GRHL2: variants seen among roughly 807,000 people sequenced by gnomAD.
GRHL2 encodes the protein grainyhead-like protein 2 homolog.
GRHL2 carries 21 observed loss-of-function variants against 83.8 expected under a neutral mutation model. The observed-to-expected ratio is 0.25, with a 90% CI of 0.18 to 0.36. The LOEUF (loss-of-function observed/expected upper bound fraction) is 0.36. Ranked by LOEUF, GRHL2 falls within the 10% of genes least tolerant of loss-of-function variation. The pLI is 1.00. For missense variants in GRHL2, 623 were observed against 781.8 expected (o/e 0.80, Z 2.42); for synonymous variants, 280 against 278.9 (o/e 1.00, Z -0.04).
chr8:101,672,388 C>T (rs1455348866), downstream of GRHL2, among the ~76,000 whole-genome samples: 2 of 151,590 alleles, frequency 1.3e-5, no homozygotes, highest in Non-Finnish European at 2.9e-5. Context: ...AGCCAAGGCT[C>T]GAGAACTACG....
chr8:101,677,823 G>T, the GRHL2 span, among the ~76,000 whole-genome samples: 1 of 152,038 alleles, frequency 6.6e-6, no homozygotes, highest in Non-Finnish European at 1.5e-5. Context: ...CAAGTGCCCA[G>T]GACCTAAGTC....
intron 1 of GRHL2, among the ~76,000 whole-genome samples, chr8:101,534,325 C>T (rs112462820): frequency 0.026 from 3,897 of 152,126 alleles, 167 homozygotes; most frequent in African/African-American, 0.087. Flanking sequence ...GCTCACTCAC[C>T]TGGTTGTGGG....
chr8:101,630,917 G>T (rs1195999185), intron 9 of GRHL2, among the ~76,000 whole-genome samples: 3 of 152,140 alleles, frequency 2.0e-5, no homozygotes, highest in Non-Finnish European at 4.4e-5. Context: ...AGAGATATAA[G>T]GTGGTGGTCA....
At chr8:101,675,369 T>C in the GRHL2 span, among the ~76,000 whole-genome samples, 3 of 152,048 alleles carry the variant, frequency 2.0e-5, no homozygotes, top group Admixed American at 2.0e-4. Context: ...AGTCTCAGGA[T>C]ACAAAATCAA....
At chr8:101,661,148 A>T (rs1459946780) in intron 14 of GRHL2, among the ~76,000 whole-genome samples, 1 of 145,608 alleles carries the variant, frequency 6.9e-6, no homozygotes, top group Non-Finnish European at 1.5e-5. Flanking sequence ...CAATTTTTTT[A>T]AAAAGTCCAT....
intron 8 of GRHL2, among the ~76,000 whole-genome samples, chr8:101,618,226 A>G (rs1361967564): frequency 2.6e-5 from 4 of 152,210 alleles, no homozygotes; most frequent in African/African-American, 9.6e-5. Flanking sequence ...ATTTAAAATG[A>G]GGAGAAATTT....
At chr8:101,528,896 T>C (rs1810862206) in intron 1 of GRHL2, 1 of 320,938 alleles carries the variant, frequency 3.1e-6, no homozygotes, top group African/African-American at 2.2e-5. Flanking sequence ...GACAGACCTT[T>C]TGTTGAAACT....
chr8:101,675,395 A>G, the GRHL2 span, among the ~76,000 whole-genome samples: 3 of 152,070 alleles, frequency 2.0e-5, no homozygotes, highest in Non-Finnish European at 4.4e-5. Context: ...AAAAATCACA[A>G]GCATTCTTAT....
chr8:101,642,453 C>G (rs1031100546), intron 12 of GRHL2, among the ~76,000 whole-genome samples: 2 of 152,138 alleles, frequency 1.3e-5, no homozygotes, highest in African/African-American at 4.8e-5. Flanking sequence ...GTATTTCAGG[C>G]TATTTACCTA....
intron 7 of GRHL2, among the ~76,000 whole-genome samples, chr8:101,594,565 A>G (rs74954521): frequency 5.9e-5 from 9 of 152,380 alleles, no homozygotes; most frequent in African/African-American, 2.2e-4. Flanking sequence ...AAGAAGCCAC[A>G]TTGGTGTGCA....
chr8:101,631,490 C>T, intron 9 of GRHL2, 147 bp from the exon 10 acceptor site: 1 of 713,688 alleles, frequency 1.4e-6, no homozygotes, highest in Non-Finnish European at 2.5e-6. Context: ...AGAGCCAAAC[C>T]CAACCTTGCC....
intron 7 of GRHL2, among the ~76,000 whole-genome samples, chr8:101,579,458 C>A (rs1376374300): frequency 6.6e-6 from 1 of 152,164 alleles, no homozygotes; most frequent in Non-Finnish European, 1.5e-5. Context: ...CCCATAGGCA[C>A]ACACATGCTT....
At chr8:101,662,765 TAAAA>T (rs1314494484) in intron 14 of GRHL2, among the ~76,000 whole-genome samples, 1 of 152,112 alleles carries the variant, frequency 6.6e-6, no homozygotes. Context: ...TTTTTCAAAA[TAAAA>T]AGTAAAAGGA....
At chr8:101,549,571 G>C (rs559298530) in intron 2 of GRHL2, among the ~76,000 whole-genome samples, 33 of 152,322 alleles carry the variant, frequency 2.2e-4, no homozygotes, top group Admixed American at 1.8e-3. Flanking sequence ...TGGAAGGGGA[G>C]AGGGCGAGGG....
chr8:101,537,323 A>C (rs1236206216), intron 1 of GRHL2, among the ~76,000 whole-genome samples: 1 of 152,230 alleles, frequency 6.6e-6, no homozygotes, highest in Non-Finnish European at 1.5e-5. Flanking sequence ...AAAAATACCA[A>C]GGAATGGTCA....
intron 14 of GRHL2, among the ~76,000 whole-genome samples, chr8:101,655,739 T>C (rs2129729947): frequency 1.3e-5 from 2 of 152,390 alleles, no homozygotes; most frequent in South Asian, 4.1e-4. Flanking sequence ...ATAACTTTGA[T>C]GATTCAATTT....
At chr8:101,650,554 T>G (rs771839670) in intron 14 of GRHL2, among the ~76,000 whole-genome samples, 1 of 152,166 alleles carries the variant, frequency 6.6e-6, no homozygotes, top group Non-Finnish European at 1.5e-5. Flanking sequence ...CTCAGCCAGA[T>G]TCAAAAAGCC....
chr8:101,613,263 A>G (rs1168596170), intron 8 of GRHL2, among the ~76,000 whole-genome samples: 1 of 150,978 alleles, frequency 6.6e-6, no homozygotes, highest in Non-Finnish European at 1.5e-5. Flanking sequence ...GTATACATAC[A>G]TAACCGCAGA....
chr8:101,496,526 G>A (rs1810109239), intron 1 of GRHL2, among the ~76,000 whole-genome samples: 1 of 152,120 alleles, frequency 6.6e-6, no homozygotes, highest in Admixed American at 6.5e-5. Flanking sequence ...ATTCACTGGT[G>A]AATAGAACTT....
Sources: allele counts gnomAD v4.1 joint callset (sites outside exome capture counted in the v4.1 genomes callset), GRCh38; gene constraint gnomAD v4.1.1; transcripts MANE v1.5; gene names NCBI Gene and HGNC (gene_info 2026-07-23, HGNC 2026-07-21).